Variants in PLXDC2 observed in about 807,000 individuals in gnomAD.
PLXDC2 encodes the protein plexin domain containing 2.
PLXDC2 carries 40 observed loss-of-function variants against 68.9 expected under a neutral mutation model. That is an observed-to-expected ratio of 0.58 (90% CI 0.45 to 0.76). The LOEUF is 0.76. Ranked by LOEUF, PLXDC2 falls within the 30% of genes least tolerant of loss-of-function variation. The probability of loss-of-function intolerance (pLI) is 0.00; values close to 1 mark genes in which losing one functional copy is unlikely to be tolerated. For synonymous variants in PLXDC2, 243 were observed against 234.2 expected (o/e 1.04, Z -0.34); for missense variants, 644 against 661.9 (o/e 0.97, Z 0.30).
intron 1 of PLXDC2, among the ~76,000 whole-genome samples, chr10:19,822,219 G>A (rs1344483639): frequency 6.7e-6 from 1 of 148,414 alleles, no homozygotes; most frequent in Non-Finnish European, 1.5e-5. Context: ...TAATATATAT[G>A]CACTACATAT....
At chr10:19,979,819 C>G (rs1159870147) in intron 1 of PLXDC2, among the ~76,000 whole-genome samples, 1 of 152,162 alleles carries the variant, frequency 6.6e-6, no homozygotes, top group African/African-American at 2.4e-5. Flanking sequence ...GCTTCATCTT[C>G]CCACTTCCTA....
At chr10:19,958,793 TATATC>T (rs372165669) in intron 1 of PLXDC2, among the ~76,000 whole-genome samples, 177 of 152,188 alleles carry the variant, frequency 1.2e-3, no homozygotes, top group African/African-American at 4.1e-3. Flanking sequence ...TACAAATAAA[TATATC>T]AGAAAGTGTA....
intron 11 of PLXDC2, 48 bp downstream of exon 11, chr10:20,217,624 T>TTTG: frequency 8.3e-7 from 1 of 1,207,450 alleles, no homozygotes; most frequent in Non-Finnish European, 1.1e-6. Context: ...TTTTTTTTTT[T>TTTG]CCCTGAAGGA....
At chr10:20,016,734 C>G (rs1835219622) in intron 2 of PLXDC2, among the ~76,000 whole-genome samples, 1 of 152,216 alleles carries the variant, frequency 6.6e-6, no homozygotes, top group Non-Finnish European at 1.5e-5. Flanking sequence ...CTCAAGCTAC[C>G]TGCACATATT....
chr10:19,984,154 G>C (rs531955563), intron 1 of PLXDC2, among the ~76,000 whole-genome samples: 2 of 152,202 alleles, frequency 1.3e-5, no homozygotes, highest in Admixed American at 6.5e-5. Context: ...AAAGAATTCA[G>C]GTCCCCTGTA....
At chr10:20,102,577 G>T (rs1007118892) in intron 4 of PLXDC2, among the ~76,000 whole-genome samples, 1 of 152,184 alleles carries the variant, frequency 6.6e-6, no homozygotes, top group East Asian at 1.9e-4. Flanking sequence ...TATAAATTAT[G>T]TAAGGGGTAC....
intron 1 of PLXDC2, among the ~76,000 whole-genome samples, chr10:19,819,082 A>G (rs1188747878): frequency 4.0e-5 from 6 of 149,576 alleles, no homozygotes; most frequent in African/African-American, 1.5e-4. Flanking sequence ...CACATTTGCT[A>G]TGCCAAGAAG....
At chr10:19,829,070 C>A (rs1163557999) in intron 1 of PLXDC2, among the ~76,000 whole-genome samples, 1 of 151,506 alleles carries the variant, frequency 6.6e-6, no homozygotes, top group East Asian at 1.9e-4. Context: ...TCAGCACTTT[C>A]TGTCCTTCCC....
intron 1 of PLXDC2, among the ~76,000 whole-genome samples, chr10:19,948,955 C>G (rs894682096): frequency 1.3e-5 from 2 of 151,486 alleles, no homozygotes; most frequent in Non-Finnish European, 2.9e-5. Flanking sequence ...CATGGTGAAA[C>G]CCTGTCTTTA....
intron 4 of PLXDC2, among the ~76,000 whole-genome samples, chr10:20,142,806 A>G (rs1834024229): frequency 6.6e-6 from 1 of 151,998 alleles, no homozygotes; most frequent in South Asian, 2.1e-4. Flanking sequence ...TTTCAAGAAA[A>G]AAAAAAAGAA....
intron 1 of PLXDC2, among the ~76,000 whole-genome samples, chr10:19,897,600 A>G (rs1209328601): frequency 2.0e-5 from 3 of 152,196 alleles, no homozygotes; most frequent in South Asian, 4.1e-4. Context: ...AACAGAAAAC[A>G]TAAGTACATG....
intron 1 of PLXDC2, among the ~76,000 whole-genome samples, chr10:19,947,781 T>G (rs990700980): frequency 6.6e-6 from 1 of 151,686 alleles, no homozygotes; most frequent in Non-Finnish European, 1.5e-5. Context: ...AGTTAATTAT[T>G]ATATTTGCTT....
intron 4 of PLXDC2, among the ~76,000 whole-genome samples, chr10:20,133,529 C>T (rs1202936956): frequency 6.6e-6 from 1 of 152,148 alleles, no homozygotes; most frequent in Non-Finnish European, 1.5e-5. Context: ...TTATTTGTCT[C>T]TCTTTTGCCC....
chr10:19,980,328 A>G (rs1489534098), intron 1 of PLXDC2, among the ~76,000 whole-genome samples: 1 of 152,208 alleles, frequency 6.6e-6, no homozygotes, highest in Non-Finnish European at 1.5e-5. Flanking sequence ...CCAGAAACTA[A>G]TTAACTGCTA....
At chr10:20,121,931 G>A (rs867100029) in intron 4 of PLXDC2, among the ~76,000 whole-genome samples, 3 of 152,114 alleles carry the variant, frequency 2.0e-5, no homozygotes, top group Non-Finnish European at 4.4e-5. Flanking sequence ...GGGTAAGGGT[G>A]ATTAGGTTTT....
At chr10:20,256,017 A>G (rs2990427) in intron 13 of PLXDC2, among the ~76,000 whole-genome samples, 80,930 of 151,884 alleles carry the variant, frequency 0.53, 22,084 homozygotes, top group Middle Eastern at 0.68. Context: ...ACTTTCAGCT[A>G]ATTACTACAT....
At chr10:19,882,469 G>GA (rs920786007) in intron 1 of PLXDC2, among the ~76,000 whole-genome samples, 1 of 152,078 alleles carries the variant, frequency 6.6e-6, no homozygotes, top group Non-Finnish European at 1.5e-5. Context: ...AGTGAAGTTT[G>GA]AAAAAAATCG....
At chr10:20,016,243 T>A (rs979620047) in intron 2 of PLXDC2, among the ~76,000 whole-genome samples, 1 of 152,146 alleles carries the variant, frequency 6.6e-6, no homozygotes, top group Non-Finnish European at 1.5e-5. Flanking sequence ...CTTGTATGGA[T>A]GTAGGGAAAG....
intron 4 of PLXDC2, among the ~76,000 whole-genome samples, chr10:20,099,160 G>T (rs544266554): frequency 1.3e-5 from 2 of 151,938 alleles, no homozygotes; most frequent in African/African-American, 4.8e-5. Flanking sequence ...CTATTACTGC[G>T]GCCAAAAGCA....
Sources: gnomAD v4.1 joint callset for allele counts (sites outside exome capture counted in the v4.1 genomes callset) on GRCh38, gnomAD v4.1.1 for gene constraint, MANE v1.5 for transcripts, NCBI Gene and HGNC (gene_info 2026-07-23, HGNC 2026-07-21) for gene names.